The following TASOR2 variants were observed in gnomAD, a reference collection of about 807,000 sequenced individuals.
TASOR2 encodes the protein transcription activation suppressor family member 2.
In TASOR2, 84 loss-of-function variants were observed where a neutral mutation model predicts 199.5. The ratio of observed to expected loss-of-function variants is 0.42; its 90% CI spans 0.35 to 0.50. TASOR2 has a LOEUF of 0.50. Ranked by LOEUF, TASOR2 falls within the 20% of genes least tolerant of loss-of-function variation. The probability of loss-of-function intolerance (pLI) is 0.02; values close to 1 mark genes in which losing one functional copy is unlikely to be tolerated. For synonymous variants in TASOR2, 1,103 were observed against 1,046.6 expected (o/e 1.05, Z -1.04); for missense variants, 2,796 against 2,835.9 (o/e 0.99, Z 0.32).
chr10:5,688,742 C>T (rs1162627473), intron 1 of TASOR2, among the ~76,000 whole-genome samples: 1 of 151,844 alleles, frequency 6.6e-6, no homozygotes. Context: ...TGCGTGGGCT[C>T]ATGCGTGTGA....
chr10:5,756,562 G>GT, intron 15 of TASOR2, 51 bp from the exon 17 acceptor site: 2 of 1,587,044 alleles, frequency 1.3e-6, no homozygotes, highest in Non-Finnish European at 1.7e-6. Flanking sequence ...TATACAGGTA[G>GT]TTCTGTGGAA....
exon 15 of TASOR2, chr10:5,749,979 G>T (rs906505354): frequency 6.2e-7 from 1 of 1,612,864 alleles, no homozygotes; most frequent in Non-Finnish European, 8.5e-7. Context: ...GTACCTTCCT[G>T]TTCTACCTTG....
Position 5,742,611 on chromosome 10 carries a change from C to G in TASOR2, c.2757+85C>G. On this transcript the variant is annotated intron_variant, in intron 14 of 20. Transcript: ENST00000328090. This position sits in a 1 kb window ranked among gnomAD's most constrained non-coding sequence, Gnocchi z 4.2. ...ATGTAAAATCACATTCAAAACAAGG[C>G]ATTTTTAAATTTTAGGACAGTGAAT... 1 of 1,328,408 alleles carries G rather than the reference C, an allele frequency of 7.5e-7. No individual in the cohort carries two copies. Among genetic ancestry groups the G allele is most frequent in the South Asian group, 1.3e-5 (1 of 75,310 alleles). 82.3% of individuals were successfully genotyped at this position (1,328,408 alleles called of 1,614,324 possible).
At chr10:5,733,838 TAAG>T (rs1042861478) in intron 11 of TASOR2, among the ~76,000 whole-genome samples, 11 of 152,192 alleles carry the variant, frequency 7.2e-5, no homozygotes, top group African/African-American at 1.9e-4. Context: ...TAGAGTGTAA[TAAG>T]AAGTCTTATT....
At position 5,690,551 on chromosome 10, in the gene TASOR2, CCATA is replaced by C. The variant is rs1321126342; in HGVS notation, c.-288+5381_-288+5384del. On this transcript the variant is annotated intron_variant, in intron 1 of 20. Coordinates refer to ENST00000328090, the Ensembl canonical transcript of TASOR2. This position sits in a 1 kb window ranked among gnomAD's most constrained non-coding sequence, Gnocchi z 4.8. ...CGTGGGCTACGTGTAGAGGTGGTGG[CCATA>C]CATAGTTATCTTTATTCTGGCATAA... is the stretch of plus-strand genomic sequence containing the variant. Among the ~76,000 whole-genome samples, 2 of 152,004 alleles carry C rather than the reference CCATA, an allele frequency of 1.3e-5. No homozygotes were observed. Among genetic ancestry groups the C allele is most frequent in the Non-Finnish European group, 2.9e-5 (2 of 67,994 alleles).
chr10:5,736,984 A>G (rs1835702788), intron 12 of TASOR2, among the ~76,000 whole-genome samples: 1 of 151,238 alleles, frequency 6.6e-6, no homozygotes, highest in African/African-American at 2.4e-5. Context: ...GTTTTGAGAT[A>G]GAATCTCACT....
chr10:5,685,190 G>T lies in TASOR2; in HGVS notation c.-288+15G>T. The T allele has an allele frequency of 2.5e-6, 1 of 397,914 alleles. No homozygotes were observed. The highest frequency in any genetic ancestry group is 4.4e-6 in the Non-Finnish European group (1 of 225,534). The allele number at this position is 397,914 out of a possible 1,614,324, so 24.6% of individuals were successfully genotyped here. On this transcript the variant is annotated intron_variant, in intron 1 of 20. Transcript: ENST00000328090. The surrounding 1 kb of genome is among the most constrained non-coding windows in gnomAD (Gnocchi z 5.4). Reference sequence around the variant, plus strand: ...GCCAAGGACGGGTAAGTCCCTCCTCGGCCTGGGCGCCCGGGAACCCTGCGA... The same window carrying T: ...GCCAAGGACGGGTAAGTCCCTCCTCTGCCTGGGCGCCCGGGAACCCTGCGA...
chr10:5,687,605 A>G lies in TASOR2; in HGVS notation c.-288+2430A>G, dbSNP rs1835940404. ...GAGGCCAAGGCAGGTGGATCACTTG[A>G]GGTCAGGAGTTAGGGACCAGCCTGG... On this transcript the variant is annotated intron_variant, in intron 1 of 20. Coordinates refer to ENST00000328090, the Ensembl canonical transcript of TASOR2. This position sits in a 1 kb window ranked among gnomAD's most constrained non-coding sequence, Gnocchi z 4.8. Among the ~76,000 whole-genome samples, 1 of 152,240 alleles carries G rather than the reference A, an allele frequency of 6.6e-6. No individual in the cohort carries two copies. The highest frequency in any genetic ancestry group is 6.5e-5 in the Admixed American group (1 of 15,284).
chr10:5,741,034 T>A (rs1396019275), intron 13 of TASOR2, among the ~76,000 whole-genome samples: 1 of 152,178 alleles, frequency 6.6e-6, no homozygotes, highest in Non-Finnish European at 1.5e-5. Context: ...ACCCGGGTTC[T>A]TTCCCTTTCT....
At chr10:5,759,144 G>A in intron 18 of TASOR2, 152 bp downstream of exon 19, 1 of 617,044 alleles carries the variant, frequency 1.6e-6, no homozygotes, top group Admixed American at 3.0e-5. Flanking sequence ...AATGAAGGAA[G>A]CTATGTGCTG....
chr10:5,747,022 C>T, exon 15 of TASOR2: 1 of 1,614,136 alleles, frequency 6.2e-7, no homozygotes, highest in South Asian at 1.1e-5. Context: ...GCTTCTAGAA[C>T]TGACACAGGT....
intron 18 of TASOR2, among the ~76,000 whole-genome samples, chr10:5,759,729 A>AC (rs1839497960): frequency 6.6e-6 from 1 of 152,256 alleles, no homozygotes; most frequent in African/African-American, 2.4e-5. Flanking sequence ...TCCCAGAAAG[A>AC]CGAAACGACT....
chr10:5,726,458 T>C (rs913774202), intron 8 of TASOR2, among the ~76,000 whole-genome samples: 3 of 152,234 alleles, frequency 2.0e-5, no homozygotes, highest in Non-Finnish European at 4.4e-5. Context: ...TGCAGTCTTT[T>C]TAGATTCAGC....
At position 5,739,147 on chromosome 10, in the gene TASOR2, G is replaced by A. The variant is rs541490168; in HGVS notation, c.1448-471G>A. Among the ~76,000 whole-genome samples, 104 of 152,330 alleles carry A rather than the reference G, an allele frequency of 6.8e-4. 1 individual carries two copies. The highest frequency in any genetic ancestry group is 2.5e-3 in the African/African-American group (102 of 41,584). ...TCGCTTGTTCAGGGAAATGGTTCCT[G>A]AGAAAGTATGTTAGCAAACTCATAC... On this transcript the variant is annotated intron_variant, in intron 12 of 20. Coordinates refer to ENST00000328090, the Ensembl canonical transcript of TASOR2.
intron 1 of TASOR2, among the ~76,000 whole-genome samples, chr10:5,703,341 T>G (rs1838137544): frequency 6.6e-6 from 1 of 152,140 alleles, no homozygotes; most frequent in African/African-American, 2.4e-5. Flanking sequence ...CTGTTGAATT[T>G]TATGTCTAAT....
In TASOR2 at chr10:5,690,058, A is replaced by C. The variant is rs1466000941; in HGVS notation, c.-288+4883A>C. Among the ~76,000 whole-genome samples, 1 of 152,146 alleles carries C rather than the reference A, an allele frequency of 6.6e-6. No individual in the cohort carries two copies. Among genetic ancestry groups the C allele is most frequent in the Non-Finnish European group, 1.5e-5 (1 of 68,026 alleles). Reference sequence around the variant, plus strand: ...ATATAAATTATACATGGTGATTTATAATTTTAGAAATATCTTCCTTGTATT... The same window carrying C: ...ATATAAATTATACATGGTGATTTATCATTTTAGAAATATCTTCCTTGTATT... On this transcript the variant is annotated intron_variant, in intron 1 of 20. Transcript: ENST00000328090. The surrounding 1 kb of genome is among the most constrained non-coding windows in gnomAD (Gnocchi z 4.8).
rs1461801054 is a variant in TASOR2 at position 5,685,165 on chromosome 10, G to A, written c.-298G>A. 6 of 397,992 alleles carry A rather than the reference G, an allele frequency of 1.5e-5. No individual in the cohort carries two copies. Among genetic ancestry groups the A allele is most frequent in the Non-Finnish European group, 2.7e-5 (6 of 225,646 alleles). The allele number at this position is 397,992 out of a possible 1,614,324, so 24.7% of individuals were successfully genotyped here. Reference sequence around the variant, plus strand: ...TCAGGTCCTCGGGGGCGGCGGCCACGCCAAGGACGGGTAAGTCCCTCCTCG... The same window carrying A: ...TCAGGTCCTCGGGGGCGGCGGCCACACCAAGGACGGGTAAGTCCCTCCTCG... On this transcript the variant is annotated 5_prime_UTR_variant, in exon 1 of 21. Coordinates refer to ENST00000328090, the Ensembl canonical transcript of TASOR2. The surrounding 1 kb of genome is among the most constrained non-coding windows in gnomAD (Gnocchi z 5.4).
chr10:5,728,405 AG>A (rs1343488779), intron 10 of TASOR2, among the ~76,000 whole-genome samples: 3 of 152,254 alleles, frequency 2.0e-5, no homozygotes, highest in Admixed American at 2.0e-4. Context: ...TGGGAGGCTG[AG>A]GCGGGTGGAT....
chr10:5,726,331 A>G (rs947075707), intron 8 of TASOR2, among the ~76,000 whole-genome samples: 10 of 152,216 alleles, frequency 6.6e-5, no homozygotes, highest in African/African-American at 2.4e-4. Flanking sequence ...GAGGGGAACA[A>G]AAGAGAGGAA....
Sources: allele counts gnomAD v4.1 joint callset (sites outside exome capture counted in the v4.1 genomes callset), GRCh38; gene constraint gnomAD v4.1.1; non-coding constraint Gnocchi (gnomAD v3.1); transcripts MANE v1.5; gene names NCBI Gene and HGNC (gene_info 2026-07-23, HGNC 2026-07-21).